Variants in SEPTIN9 observed in about 807,000 individuals in gnomAD.
SEPTIN9 encodes the protein septin 9.
SEPTIN9 carries 13 observed loss-of-function variants against 56.6 expected under a neutral mutation model. The ratio of observed to expected loss-of-function variants is 0.23; its 90% confidence interval spans 0.15 to 0.37. The LOEUF is 0.37. Ranked by LOEUF, SEPTIN9 falls within the 10% of genes least tolerant of loss-of-function variation. SEPTIN9 has a pLI of 1.00. For missense variants in SEPTIN9, 650 were observed against 823.1 expected, an observed-to-expected ratio of 0.79 and a Z score of 2.57; for synonymous variants, 332 against 334.1, an observed-to-expected ratio of 0.99 and a Z score of 0.07.
rs932524852 is a variant in SEPTIN9 at position 77,384,113 on chromosome 17, C to T, written c.77-17946C>T. ...GGCGGCGGCTGCCCTGACTGTGACC[C>T]GGAGTGGGGTGATTCGCAAAGAGGC... is the stretch of plus-strand genomic sequence containing the variant. On this transcript the variant is annotated intron_variant, in intron 2 of 11. Coordinates refer to ENST00000427177, the MANE Select transcript of SEPTIN9 (RefSeq NM_001113491.2). 7.2e-5 allele frequency among the ~76,000 whole-genome samples: 11 copies of T among 152,116 alleles called. No homozygotes were observed. In the East Asian group the frequency reaches 1.9e-3, roughly 27 times the overall value.
At chr17:77,357,814 T>G (rs1038899910) in intron 2 of SEPTIN9, among the ~76,000 whole-genome samples, 1 of 152,148 alleles carries the variant, frequency 6.6e-6, no homozygotes, top group African/African-American at 2.4e-5. Flanking sequence ...TCCTCACTCC[T>G]TGTATTCACC....
intron 1 of SEPTIN9, among the ~76,000 whole-genome samples, chr17:77,298,625 AC>A (rs1168369821): frequency 6.6e-6 from 1 of 152,088 alleles, no homozygotes; most frequent in Non-Finnish European, 1.5e-5. Context: ...AGGGATTCTC[AC>A]CTGGGTGTGT....
rs572084371 is a variant in SEPTIN9, at chr17:77,318,583, C to T, written c.76+11386C>T. Reference sequence around the variant, plus strand: ...CTCGGCTGAGATGCTGTCCCCACCTCCCTCACTGTCTGGCTGCCTGTGGGG... The same window carrying T: ...CTCGGCTGAGATGCTGTCCCCACCTTCCTCACTGTCTGGCTGCCTGTGGGG... On this transcript the variant is annotated intron_variant, in intron 2 of 11. Coordinates refer to ENST00000427177, the MANE Select transcript of SEPTIN9 (RefSeq NM_001113491.2). The surrounding 1 kb of genome is among the most constrained non-coding windows in gnomAD (Gnocchi z 4.9). 2.7e-4 allele frequency among the ~76,000 whole-genome samples: 41 copies of T among 152,264 alleles called. No homozygotes were observed. The highest frequency in any genetic ancestry group is 8.4e-4 in the African/African-American group (35 of 41,544).
chr17:77,283,708 C>G (rs531688355), intron 1 of SEPTIN9, among the ~76,000 whole-genome samples: 1 of 152,204 alleles, frequency 6.6e-6, no homozygotes, highest in Non-Finnish European at 1.5e-5. Context: ...CCCGGTAGAC[C>G]TGGTTTGAAC....
At chr17:77,397,553 G>A (rs1035405832) in intron 2 of SEPTIN9, among the ~76,000 whole-genome samples, 11 of 152,176 alleles carry the variant, frequency 7.2e-5, no homozygotes, top group African/African-American at 1.9e-4. Context: ...AACCTCAGAC[G>A]AAAGTGAATC....
chr17:77,344,064 A>G (rs1315408914), intron 2 of SEPTIN9, among the ~76,000 whole-genome samples: 3 of 152,236 alleles, frequency 2.0e-5, no homozygotes, highest in African/African-American at 7.2e-5. Context: ...GCATCAAGGA[A>G]TACTACCAAT....
chr17:77,375,326 G>C (rs930131116), intron 2 of SEPTIN9: 1 of 152,206 alleles, frequency 6.6e-6, no homozygotes, highest in African/African-American at 2.4e-5. Flanking sequence ...CTGCGGGATC[G>C]AGGTCTCTGC....
At chr17:77,291,015 G>A (rs76634509) in intron 1 of SEPTIN9, among the ~76,000 whole-genome samples, 4 of 147,052 alleles carry the variant, frequency 2.7e-5, no homozygotes, top group Admixed American at 1.4e-4. Context: ...ACAGGTGTGC[G>A]CTGCATGCCT....
intron 2 of SEPTIN9, among the ~76,000 whole-genome samples, chr17:77,381,910 T>TAG (rs2035158005): frequency 6.6e-6 from 1 of 152,100 alleles, no homozygotes; most frequent in South Asian, 2.1e-4. Context: ...GGAGAAGGGG[T>TAG]AGAACGGGAG....
chr17:77,484,700 A>G (rs1276804213), intron 4 of SEPTIN9, among the ~76,000 whole-genome samples: 4 of 62,332 alleles, frequency 6.4e-5, no homozygotes, highest in African/African-American at 1.4e-4. Context: ...GGTGATTGTG[A>G]TGGTGGTGAT....
Position 77,312,666 on chromosome 17 carries a change from G to A in SEPTIN9, c.76+5469G>A, listed in dbSNP as rs12603636. ...TGACCTTGATAGGAGATGCTTGGGA[G>A]AATTGCCCAAAAAACTAGCTTAAAA... On this transcript the variant is annotated intron_variant, in intron 2 of 11. Coordinates refer to ENST00000427177, the MANE Select transcript of SEPTIN9 (RefSeq NM_001113491.2). Among the ~76,000 whole-genome samples the A allele has an allele frequency of 0.018, 2,726 of 152,258 alleles. 179 individuals carry two copies. The East Asian group carries it at 0.19, about 11-fold the overall frequency.
At chr17:77,407,155 C>T (rs2036110623) in intron 3 of SEPTIN9, among the ~76,000 whole-genome samples, 2 of 151,690 alleles carry the variant, frequency 1.3e-5, no homozygotes, top group African/African-American at 4.8e-5. Flanking sequence ...TGATAGCATG[C>T]GCTTGTAGTC....
chr17:77,417,891 GC>G (rs2036559780), intron 3 of SEPTIN9, among the ~76,000 whole-genome samples: 2 of 152,204 alleles, frequency 1.3e-5, no homozygotes. Flanking sequence ...CTCAGCACCT[GC>G]TGCACAGGCG....
chr17:77,329,536 G>C lies in SEPTIN9; in HGVS notation c.76+22339G>C, dbSNP rs2033268531. Among the ~76,000 whole-genome samples the C allele has an allele frequency of 6.6e-6, 1 of 152,186 alleles. No homozygotes were observed. The highest frequency in any genetic ancestry group is 2.1e-4 in the South Asian group (1 of 4,828). On this transcript the variant is annotated intron_variant, in intron 2 of 11. Transcript: ENST00000427177. The surrounding 1 kb of genome is among the most constrained non-coding windows in gnomAD (Gnocchi z 4.3). ...GGATCCTGGGAAGGTTGGGTACCTG[G>C]CAGCCTCAAGGCAGGAGCTGGGGTG...
intron 2 of SEPTIN9, among the ~76,000 whole-genome samples, chr17:77,379,179 G>A (rs2035050008): frequency 6.6e-6 from 1 of 152,080 alleles, no homozygotes; most frequent in Non-Finnish European, 1.5e-5. Context: ...GCTGCGTGCT[G>A]CTTGCCCAGC....
intron 2 of SEPTIN9, among the ~76,000 whole-genome samples, chr17:77,336,437 A>G (rs565610871): frequency 6.6e-6 from 1 of 152,274 alleles, no homozygotes; most frequent in Non-Finnish European, 1.5e-5. Flanking sequence ...ACAGAATTAC[A>G]TTGTTTTGTA....
intron 3 of SEPTIN9, among the ~76,000 whole-genome samples, chr17:77,419,363 A>AGCC (rs3047421): frequency 0.032 from 4,927 of 152,086 alleles, 223 homozygotes; most frequent in East Asian, 0.17. Context: ...GGTCAGCAGC[A>AGCC]GCCGCCGCAG....
chr17:77,396,226 T>C (rs935501219), intron 2 of SEPTIN9, among the ~76,000 whole-genome samples: 6 of 152,208 alleles, frequency 3.9e-5, no homozygotes, highest in Non-Finnish European at 5.9e-5. Context: ...TCTGACACTG[T>C]GCACGGTCCA....
intron 2 of SEPTIN9, chr17:77,374,425 G>A (rs2034842646): frequency 6.6e-6 from 1 of 152,312 alleles, no homozygotes; most frequent in South Asian, 2.1e-4. Context: ...TGCGTCCGCG[G>A]GAGTAAATAC....
Sources: gnomAD v4.1 joint callset for allele counts (sites outside exome capture counted in the v4.1 genomes callset) on GRCh38, gnomAD v4.1.1 for gene constraint, Gnocchi (gnomAD v3.1) non-coding constraint, MANE v1.5 for transcripts, NCBI Gene and HGNC (gene_info 2026-07-23, HGNC 2026-07-21) for gene names.